The following SUFU variants were observed in gnomAD, a reference collection of about 807,000 sequenced individuals.
SUFU encodes the protein suppressor of fused homolog.
SUFU carries 7 observed loss-of-function variants against 58.9 expected under a neutral mutation model. The observed-to-expected ratio is 0.12, with a 90% CI of 0.07 to 0.22. SUFU has a LOEUF of 0.22. SUFU is among the 10% of genes least tolerant of loss of function. SUFU has a pLI of 1.00. For missense variants in SUFU, 451 were observed against 641.3 expected, an observed-to-expected ratio of 0.70 and a Z score of 3.20; for synonymous variants, 232 against 254.8, an observed-to-expected ratio of 0.91 and a Z score of 0.85.
At chr10:102,508,571 C>G (rs1340625181) in intron 1 of SUFU, among the ~76,000 whole-genome samples, 2 of 152,186 alleles carry the variant, frequency 1.3e-5, no homozygotes, top group Non-Finnish European at 1.5e-5. Context: ...TTGTCACTTG[C>G]AATGATAAGA....
chr10:102,583,642 C>A (rs1225394360), intron 3 of SUFU, among the ~76,000 whole-genome samples: 1 of 152,142 alleles, frequency 6.6e-6, no homozygotes, highest in Non-Finnish European at 1.5e-5. Context: ...ATCTTTCCAG[C>A]CTTTTCCCTG....
chr10:102,603,948 T>C (rs7083530), intron 8 of SUFU, among the ~76,000 whole-genome samples: 151,291 of 152,364 alleles, frequency 0.99, 75,119 homozygotes, highest in East Asian at 1. Flanking sequence ...TGCATCCAAC[T>C]TACCAGTGAA....
chr10:102,557,902 CT>C (rs1447912183), intron 3 of SUFU, among the ~76,000 whole-genome samples: 1 of 151,580 alleles, frequency 6.6e-6, no homozygotes, highest in Non-Finnish European at 1.5e-5. Context: ...TTGTTTTTTA[CT>C]GATTTTTTTT....
intron 8 of SUFU, among the ~76,000 whole-genome samples, chr10:102,613,874 G>A (rs1443328465): frequency 6.6e-6 from 1 of 152,236 alleles, no homozygotes. Context: ...GGAGTGTGGG[G>A]CAGCAGTGAC....
chr10:102,562,850 C>T (rs1425078802), intron 3 of SUFU, among the ~76,000 whole-genome samples: 2 of 152,174 alleles, frequency 1.3e-5, no homozygotes, highest in Non-Finnish European at 2.9e-5. Context: ...GAGATCGTGC[C>T]ATTGCACTCT....
intron 3 of SUFU, among the ~76,000 whole-genome samples, chr10:102,553,704 C>G (rs924997813): frequency 1.3e-5 from 2 of 151,958 alleles, no homozygotes; most frequent in African/African-American, 4.8e-5. Context: ...ACCTCGTGAT[C>G]CGCCCGCCTC....
At chr10:102,551,505 G>T (rs1239651298) in intron 3 of SUFU, among the ~76,000 whole-genome samples, 1 of 151,820 alleles carries the variant, frequency 6.6e-6, no homozygotes, top group African/African-American at 2.4e-5. Flanking sequence ...AGGCATGGTG[G>T]TGGGCACCTG....
chr10:102,522,352 C>T (rs2062560639), intron 2 of SUFU, among the ~76,000 whole-genome samples: 2 of 152,172 alleles, frequency 1.3e-5, no homozygotes, highest in South Asian at 4.1e-4. Flanking sequence ...TTGTGTTCTT[C>T]CAGTTGTTGC....
At chr10:102,540,947 G>T (rs915475957) in intron 2 of SUFU, among the ~76,000 whole-genome samples, 3 of 151,908 alleles carry the variant, frequency 2.0e-5, no homozygotes, top group African/African-American at 7.3e-5. Flanking sequence ...ACTTGAACCC[G>T]GGAGGCGGAG....
chr10:102,605,100 GT>G (rs1159052775), intron 8 of SUFU, among the ~76,000 whole-genome samples: 4 of 151,794 alleles, frequency 2.6e-5, no homozygotes, highest in Non-Finnish European at 5.9e-5. Flanking sequence ...TGTATTTTTA[GT>G]ACAGATGGGT....
chr10:102,536,428 A>G (rs1021742580), intron 2 of SUFU, among the ~76,000 whole-genome samples: 5 of 145,450 alleles, frequency 3.4e-5, no homozygotes, highest in African/African-American at 1.0e-4. Flanking sequence ...CAGTGGTGCA[A>G]TCTCGGCGCA....
At chr10:102,615,463 G>A in intron 9 of SUFU, 61 bp downstream of exon 9, 1 of 1,612,132 alleles carries the variant, frequency 6.2e-7, no homozygotes, top group Non-Finnish European at 8.5e-7. Context: ...CCTCCAGGGG[G>A]CACTTCAGAG....
chr10:102,627,032 C>A, intron 10 of SUFU, 143 bp from the exon 11 acceptor site: 1 of 892,106 alleles, frequency 1.1e-6, no homozygotes, highest in Non-Finnish European at 1.8e-6. Context: ...GGACAGGCCT[C>A]AAACACTTCC....
At chr10:102,582,218 T>C (rs729024) in intron 3 of SUFU, among the ~76,000 whole-genome samples, 68,941 of 151,942 alleles carry the variant, frequency 0.45, 16,039 homozygotes, top group East Asian at 0.68. Context: ...TGGGTTGGGG[T>C]GTTAGTTTCC....
At chr10:102,607,514 G>A (rs2135909613) in intron 8 of SUFU, among the ~76,000 whole-genome samples, 1 of 152,294 alleles carries the variant, frequency 6.6e-6, no homozygotes, top group East Asian at 1.9e-4. Flanking sequence ...AAACACACCA[G>A]TCCACACAAA....
intron 2 of SUFU, among the ~76,000 whole-genome samples, chr10:102,549,761 C>T (rs112819260): frequency 1.2e-4 from 19 of 152,242 alleles, no homozygotes; most frequent in African/African-American, 4.3e-4. Context: ...TCCACATACC[C>T]GCAGCTGGCA....
chr10:102,510,673 A>G (rs2062390135), intron 2 of SUFU, among the ~76,000 whole-genome samples: 4 of 151,924 alleles, frequency 2.6e-5, no homozygotes, highest in Admixed American at 2.6e-4. Context: ...AATACAAAAA[A>G]TTAGCCAGGC....
chr10:102,542,383 G>C (rs1234326889), intron 2 of SUFU, among the ~76,000 whole-genome samples: 1 of 151,300 alleles, frequency 6.6e-6, no homozygotes, highest in African/African-American at 2.4e-5. Flanking sequence ...CGCCCACCTC[G>C]GCCTCCCAAA....
intron 2 of SUFU, among the ~76,000 whole-genome samples, chr10:102,547,364 C>T (rs997926970): frequency 2.6e-5 from 4 of 152,186 alleles, no homozygotes; most frequent in African/African-American, 9.7e-5. Flanking sequence ...GAATTGACCT[C>T]AAACAGGGTA....
Sources: gnomAD v4.1 joint callset for allele counts (sites outside exome capture counted in the v4.1 genomes callset) on GRCh38, gnomAD v4.1.1 for gene constraint, MANE v1.5 for transcripts, NCBI Gene and HGNC (gene_info 2026-07-23, HGNC 2026-07-21) for gene names.